Variants in TRIM66 observed in about 807,000 individuals in gnomAD.
TRIM66 encodes tripartite motif-containing protein 66.
TRIM66 carries 99 observed loss-of-function variants against 148.2 expected under a neutral mutation model. The ratio of observed to expected loss-of-function variants is 0.67; its 90% CI spans 0.57 to 0.79. The LOEUF (loss-of-function observed/expected upper bound fraction) is 0.79, where lower values mean the gene tolerates loss of function less well. Among genes scored for constraint, TRIM66 ranks in the 30% least tolerant of loss-of-function variants. TRIM66 has a pLI of 0.00. For synonymous variants in TRIM66, 616 were observed against 635.9 expected (o/e 0.97, Z 0.47); for missense variants, 1,666 against 1,697.9 (o/e 0.98, Z 0.33).
At chr11:8,672,475 G>A in intron 4 of TRIM66, 90 bp from the exon 5 acceptor site, 1 of 1,333,714 alleles carries the variant, frequency 7.5e-7, no homozygotes, top group Non-Finnish European at 9.9e-7. Flanking sequence ...AAGGGGTTGA[G>A]ACACTTTTAC....
Position 8,651,876 on chromosome 11 carries a change from C to T in TRIM66, c.368G>A (p.Arg123Gln). The T allele has an allele frequency of 3.9e-6, 6 of 1,551,636 alleles. No homozygotes were observed. Among genetic ancestry groups the T allele is most frequent in the South Asian group, 3.6e-5 (3 of 84,046 alleles). ...AGTTACATCCCTGGTAAGATATACTCGTTCACACCCAGGACAGGAGATGAG... is the reference window on the plus strand; with the variant it reads ...AGTTACATCCCTGGTAAGATATACTTGTTCACACCCAGGACAGGAGATGAG... ...DELISCPGCE[R>Q]VYLTRDVTEH... is the part of the protein sequence containing the mutation. The change falls in exon 7 of 25, where the codon CGA (arginine) becomes CAA (glutamine). Residue 123 changes from arginine to glutamine, a missense_variant. This residue lies in a region of TRIM66 where 1,431 missense variants were observed against 1,412.4 expected (regional missense o/e 1.01). Coordinates refer to ENST00000646038, the MANE Select transcript of TRIM66 (RefSeq NM_001388022.1).
intron 6 of TRIM66, chr11:8,654,407 G>C (rs2037632781): frequency 6.6e-6 from 1 of 152,136 alleles, no homozygotes; most frequent in African/African-American, 2.4e-5. Context: ...CTCCTTTTCA[G>C]ATAAACTCCT....
intron 9 of TRIM66, 93 bp from the exon 10 acceptor site, chr11:8,648,179 C>T: frequency 8.0e-7 from 1 of 1,250,668 alleles, no homozygotes; most frequent in South Asian, 1.3e-5. Flanking sequence ...ACTGTCTCAG[C>T]CAGACCCATG....
rs2035664839 is a variant in TRIM66 at position 8,634,138 on chromosome 11, T to C, written c.2310+4516A>G. On this transcript the variant is annotated intron_variant, in intron 15 of 24. Transcript: ENST00000646038. Reference sequence around the variant, plus strand: ...GGTGAACTGGGACCCGGATAGGGCTTTCTGTGATGCCTACAGCTTTGACTC... The same window carrying C: ...GGTGAACTGGGACCCGGATAGGGCTCTCTGTGATGCCTACAGCTTTGACTC... Among the ~76,000 whole-genome samples the C allele has an allele frequency of 1.3e-5, 2 of 152,142 alleles. 1 individual carries two copies.
At chr11:8,663,529 C>G (rs1044660011) in intron 6 of TRIM66, among the ~76,000 whole-genome samples, 1 of 151,988 alleles carries the variant, frequency 6.6e-6, no homozygotes, top group African/African-American at 2.4e-5. Flanking sequence ...CTGTCTCGCT[C>G]TCTCTCTCTT....
chr11:8,666,995 A>G (rs1350001942), intron 6 of TRIM66, among the ~76,000 whole-genome samples: 1 of 151,680 alleles, frequency 6.6e-6, no homozygotes, highest in African/African-American at 2.4e-5. Context: ...TTTTTTTTGT[A>G]TTTTTAGTAG....
At chr11:8,655,144 G>A (rs1009571466) in intron 6 of TRIM66, among the ~76,000 whole-genome samples, 5 of 152,158 alleles carry the variant, frequency 3.3e-5, no homozygotes, top group African/African-American at 9.7e-5. Context: ...ACAGGCATGA[G>A]CCACTGTGCC....
chr11:8,673,507 A>G (rs1035614370), intron 4 of TRIM66, among the ~76,000 whole-genome samples: 1 of 152,230 alleles, frequency 6.6e-6, no homozygotes, highest in Non-Finnish European at 1.5e-5. Flanking sequence ...CTTGAAGTCT[A>G]AACAACATTG....
chr11:8,643,328 A>C (rs547718654), intron 12 of TRIM66, among the ~76,000 whole-genome samples: 1 of 146,552 alleles, frequency 6.8e-6, no homozygotes, highest in African/African-American at 2.5e-5. Flanking sequence ...GGCTCCTGGA[A>C]CCTACATTCT....
intron 15 of TRIM66, among the ~76,000 whole-genome samples, chr11:8,638,138 A>G (rs2036050673): frequency 6.6e-6 from 1 of 152,172 alleles, no homozygotes; most frequent in South Asian, 2.1e-4. Context: ...AAGGTATCCA[A>G]CTCTGGGTTG....
intron 8 of TRIM66, among the ~76,000 whole-genome samples, chr11:8,648,976 T>A (rs1362583977): frequency 6.6e-6 from 1 of 152,258 alleles, no homozygotes; most frequent in Admixed American, 6.5e-5. Context: ...TCCTGTGGAT[T>A]TGACAGTTGT....
chr11:8,682,046 G>GC (rs2133598994), intron 1 of TRIM66, among the ~76,000 whole-genome samples: 1 of 152,284 alleles, frequency 6.6e-6, no homozygotes, highest in Admixed American at 6.5e-5. Flanking sequence ...ACAGGTGTGA[G>GC]CCACCGCGCC....
intron 3 of TRIM66, among the ~76,000 whole-genome samples, chr11:8,677,103 A>T (rs1223468610): frequency 6.6e-6 from 1 of 152,228 alleles, no homozygotes; most frequent in African/African-American, 2.4e-5. Context: ...ATTCCACATC[A>T]CATTGGGAAT....
chr11:8,649,925 T>C, intron 7 of TRIM66, 38 bp from the exon 8 acceptor site: 1 of 1,535,908 alleles, frequency 6.5e-7, no homozygotes, highest in Non-Finnish European at 8.8e-7. Context: ...GATGTTATCC[T>C]CATTTGTGTC....
intron 6 of TRIM66, among the ~76,000 whole-genome samples, chr11:8,665,734 G>T (rs1364002155): frequency 2.0e-5 from 3 of 152,188 alleles, no homozygotes; most frequent in African/African-American, 4.8e-5. Context: ...GAGGCGGGCA[G>T]ATCAGGAGAT....
intron 15 of TRIM66, among the ~76,000 whole-genome samples, chr11:8,630,705 C>T (rs1207151493): frequency 6.6e-6 from 1 of 152,156 alleles, no homozygotes; most frequent in Non-Finnish European, 1.5e-5. Context: ...CCGTCCCTGT[C>T]CCTTTCCTCT....
intron 10 of TRIM66, 49 bp downstream of exon 10, chr11:8,647,921 T>C (rs1285661837): frequency 7.0e-7 from 1 of 1,427,728 alleles, no homozygotes; most frequent in Non-Finnish European, 9.7e-7. Flanking sequence ...ACCCTGGGTG[T>C]GCGGGAACAG....
chr11:8,659,474 T>C (rs908005269), intron 6 of TRIM66, among the ~76,000 whole-genome samples: 4 of 152,160 alleles, frequency 2.6e-5, no homozygotes, highest in African/African-American at 4.8e-5. Context: ...AGGAATCAAG[T>C]GGAGGGGCTG....
chr11:8,648,535 A>C lies in TRIM66; in HGVS notation c.606T>G (p.Gly202=). ...AQKGSPGVNG[G]PGDFTLYCPL... is the part of the protein sequence containing the mutation. ...GACAATACAAGGTGAAGTCTCCGGG[A>C]CCACCATTCACTCCTGCCAGAGAAG... is the stretch of plus-strand genomic sequence containing the variant. The change falls in exon 9 of 25, where the codon GGT becomes GGG. Residue 202 remains glycine (G), a synonymous_variant. Transcript: ENST00000646038. 1 of 1,551,692 alleles carries C rather than the reference A, an allele frequency of 6.4e-7. No individual in the cohort carries two copies. Among genetic ancestry groups the C allele is most frequent in the South Asian group, 1.2e-5 (1 of 84,052 alleles).
Sources: gnomAD v4.1 joint callset for allele counts (sites outside exome capture counted in the v4.1 genomes callset) on GRCh38, gnomAD v4.1.1 for gene constraint, gnomAD v4.1.1 regional missense constraint, MANE v1.5 for transcripts, NCBI Gene and HGNC (gene_info 2026-07-23, HGNC 2026-07-21) for gene names.